OBI1: variants seen among roughly 807,000 people sequenced by gnomAD.
OBI1 encodes ring finger protein 219.
OBI1 carries 59 observed loss-of-function variants against 62.4 expected under a neutral mutation model. The ratio of observed to expected loss-of-function variants is 0.95; its 90% CI spans 0.77 to 1.17. The LOEUF is 1.17. OBI1 is among the 50% of genes most tolerant of loss of function. The pLI is 0.00. For synonymous variants in OBI1, 302 were observed against 292.8 expected, an observed-to-expected ratio of 1.03 and a Z score of -0.32; for missense variants, 875 against 830.9, an observed-to-expected ratio of 1.05 and a Z score of -0.65.
chr13:78,639,560 T>C (rs1004809592), intron 3 of OBI1, among the ~76,000 whole-genome samples: 1 of 149,168 alleles, frequency 6.7e-6, no homozygotes, highest in African/African-American at 2.5e-5. Flanking sequence ...TATTGCGGCA[T>C]TATTCACAAT....
chr13:78,648,494 TGA>T (rs1876454129), intron 1 of OBI1, among the ~76,000 whole-genome samples: 1 of 152,094 alleles, frequency 6.6e-6, no homozygotes, highest in East Asian at 1.9e-4. Flanking sequence ...GCACATTATA[TGA>T]GAGGATTCAA....
chr13:78,644,344 T>C (rs1403140319), intron 2 of OBI1, among the ~76,000 whole-genome samples: 1 of 152,260 alleles, frequency 6.6e-6, no homozygotes, highest in African/African-American at 2.4e-5. Context: ...ATTTACCTTT[T>C]GTCTTATCTC....
chr13:78,658,987 T>C (rs769649320), intron 1 of OBI1, 62 bp downstream of exon 1: 5 of 1,486,828 alleles, frequency 3.4e-6, no homozygotes, highest in Non-Finnish European at 2.8e-6. Flanking sequence ...GAGACGGCCC[T>C]CGGCCCCGGC....
chr13:78,621,417 A>T lies in OBI1; in HGVS notation c.639-4295T>A, dbSNP rs906114176. ...TTTCAAGGTCAGTCAGTGATTAGTC[A>T]CTGTGCATTTACCTGTTTTTCAGTT... On this transcript the variant is annotated intron_variant, in intron 5 of 5. Coordinates refer to ENST00000282003, the MANE Select transcript of OBI1 (RefSeq NM_024546.4). Among the ~76,000 whole-genome samples, 30 of 152,218 alleles carry T rather than the reference A, an allele frequency of 2.0e-4. 1 individual carries two copies. Among genetic ancestry groups the T allele is most frequent in the Admixed American group, 1.9e-3 (29 of 15,282 alleles).
rs766073642 is a variant in OBI1 at position 78,616,875 on chromosome 13, C to T, written c.886G>A (p.Asp296Asn). ...GAGCCAGGCTGCTTTCTGGCACTATCGCCTTGATTCTTTGACACCACATCC... is the reference window on the plus strand; with the variant it reads ...GAGCCAGGCTGCTTTCTGGCACTATTGCCTTGATTCTTTGACACCACATCC... The part of the protein sequence containing the change: ...EEDVVSKNQG[D>N]SARKQPGSST... Residue 296 changes from aspartate (D) to asparagine (N), a missense_variant, in exon 6 of 6, where the codon GAT (aspartate) becomes AAT (asparagine). Coordinates refer to ENST00000282003, the MANE Select transcript of OBI1 (RefSeq NM_024546.4). 6 of 1,614,172 alleles carry T rather than the reference C, an allele frequency of 3.7e-6. No individual in the cohort carries two copies. Among genetic ancestry groups the T allele is most frequent in the South Asian group, 1.1e-5 (1 of 91,082 alleles).
chr13:78,648,231 A>T (rs1876442514), intron 1 of OBI1, among the ~76,000 whole-genome samples: 1 of 151,802 alleles, frequency 6.6e-6, no homozygotes, highest in Non-Finnish European at 1.5e-5. Context: ...GAGCACAAAA[A>T]TCCCAAACCA....
At chr13:78,648,126 AT>A (rs1029735747) in intron 1 of OBI1, among the ~76,000 whole-genome samples, 2 of 151,986 alleles carry the variant, frequency 1.3e-5, no homozygotes, top group Non-Finnish European at 2.9e-5. Context: ...TGCAGGTTCT[AT>A]TTTTTTTCTT....
In OBI1 at chr13:78,615,851, T is replaced by G. The variant is rs150803862; in HGVS notation, c.1910A>C (p.Asn637Thr). The change falls in exon 6 of 6, where the codon AAT (asparagine) becomes ACT (threonine). Residue 637 changes from asparagine to threonine, a missense_variant. Transcript: ENST00000282003. ...SLHSSSCPVT[N>T]EIKPPSCLFQ... ...CAAGCAGCTTGGGGGTTTGATTTCA[T>G]TAGTTACTGGACAAGAACTGGAATG... 1.2e-5 allele frequency: 19 copies of G among 1,614,010 alleles called. No individual in the cohort carries two copies. The African/African-American group carries it at 2.4e-4, about 20-fold the overall frequency.
At chr13:78,632,161 A>C (rs1270493773) in intron 5 of OBI1, among the ~76,000 whole-genome samples, 1 of 152,120 alleles carries the variant, frequency 6.6e-6, no homozygotes, top group Non-Finnish European at 1.5e-5. Context: ...ATTAAGGCTA[A>C]ATGAGGTCAT....
At chr13:78,645,916 C>T (rs1314581057) in intron 1 of OBI1, among the ~76,000 whole-genome samples, 2 of 152,226 alleles carry the variant, frequency 1.3e-5, no homozygotes, top group Non-Finnish European at 2.9e-5. Context: ...TCCCAAAGTG[C>T]TGGGATTACA....
Position 78,616,829 on chromosome 13 carries a change from T to G in OBI1, c.932A>C (p.His311Pro), listed in dbSNP as rs769095803. 2 of 1,614,206 alleles carry G rather than the reference T, an allele frequency of 1.2e-6. No individual in the cohort carries two copies. The highest frequency in any genetic ancestry group is 2.2e-5 in the South Asian group (2 of 91,084). ...QPGSSTSSSS[H>P]LAKPSSSRLC... Reference sequence around the variant, plus strand: ...TCTGCTGCTGGAAGGCTTCGCTAGGTGAGAAGAACTGGAGGTGGATGAGCC... The same window carrying G: ...TCTGCTGCTGGAAGGCTTCGCTAGGGGAGAAGAACTGGAGGTGGATGAGCC... Residue 311 changes from histidine (H) to proline (P), a missense_variant, in exon 6 of 6, where the codon CAC becomes CCC. Physicochemically the swap from His to Pro is moderately conservative, Grantham distance 77. Coordinates refer to ENST00000282003, the MANE Select transcript of OBI1 (RefSeq NM_024546.4).
In OBI1 at chr13:78,615,644, G is replaced by A; in HGVS notation, c.2117C>T (p.Ser706Leu). ...PEKRNKNVNQ[S>L]TKRKIQSSLS... is the part of the protein sequence containing the mutation. ...GCTGCTCTGGATTTTTCTTTTTGTT[G>A]ATTGATTCACATTTTTATTCCTCTT... Residue 706 changes from serine (S) to leucine (L), a missense_variant, in exon 6 of 6, where the codon TCA (serine) becomes TTA (leucine). Transcript: ENST00000282003. 1 of 1,613,088 alleles carries A rather than the reference G, an allele frequency of 6.2e-7. No individual in the cohort carries two copies. The highest frequency in any genetic ancestry group is 8.5e-7 in the Non-Finnish European group (1 of 1,179,712).
At chr13:78,635,498 AT>A (rs951469890) in intron 4 of OBI1, among the ~76,000 whole-genome samples, 2 of 152,194 alleles carry the variant, frequency 1.3e-5, no homozygotes, top group South Asian at 4.2e-4. Context: ...TGTATGTGTG[AT>A]TTTTTTTCTT....
chr13:78,631,213 G>T (rs1292299570), intron 5 of OBI1, among the ~76,000 whole-genome samples: 1 of 152,132 alleles, frequency 6.6e-6, no homozygotes, highest in Non-Finnish European at 1.5e-5. Context: ...ATGGGAGCCA[G>T]AATCCTATAA....
chr13:78,616,036 T>C lies in OBI1; in HGVS notation c.1725A>G (p.Glu575=). Residue 575 remains glutamate (E), a synonymous_variant, in exon 6 of 6, where the codon GAA becomes GAG. Transcript: ENST00000282003. ...CCAACTTATCAGGTTCCTCAAGAAATTCACTGCCTTGAGATGACTTTGATA... is the reference window on the plus strand; with the variant it reads ...CCAACTTATCAGGTTCCTCAAGAAACTCACTGCCTTGAGATGACTTTGATA... ...DGLSKSSQGS[E]FLEEPDKLEE... The C allele has an allele frequency of 6.2e-7, 1 of 1,614,146 alleles. No homozygotes were observed. The highest frequency in any genetic ancestry group is 8.5e-7 in the Non-Finnish European group (1 of 1,180,006).
rs2137457527 is a variant in OBI1, at chr13:78,642,192, G to T, written c.230C>A (p.Pro77His). 6.2e-7 allele frequency: 1 copy of T among 1,606,002 alleles called. No homozygotes were observed. The highest frequency in any genetic ancestry group is 8.5e-7 in the Non-Finnish European group (1 of 1,174,064). Reference sequence around the variant, plus strand: ...CTTCCTGACCGTATGGCTTAGCATAGGTTCACTTTCACTTGTTCCTCCTGT... The same window carrying T: ...CTTCCTGACCGTATGGCTTAGCATATGTTCACTTTCACTTGTTCCTCCTGT... ...EIIGGTSESE[P>H]MLSHTVRKHL... is the part of the protein sequence containing the mutation. The change falls in exon 3 of 6, where the codon CCT becomes CAT. Residue 77 changes from proline to histidine, a missense_variant. Coordinates refer to ENST00000282003, the MANE Select transcript of OBI1 (RefSeq NM_024546.4).
chr13:78,648,744 T>A (rs1876460460), intron 1 of OBI1, among the ~76,000 whole-genome samples: 1 of 152,010 alleles, frequency 6.6e-6, no homozygotes, highest in African/African-American at 2.4e-5. Context: ...AGAAACCCCA[T>A]CTCTACTAAA....
Position 78,616,098 on chromosome 13 carries a change from A to G in OBI1, c.1663T>C (p.Cys555Arg). Residue 555 changes from cysteine to arginine, a missense_variant, in exon 6 of 6, where the codon TGT becomes CGT. Physicochemically the swap from Cys to Arg is radical, Grantham distance 180. Coordinates refer to ENST00000282003, the MANE Select transcript of OBI1 (RefSeq NM_024546.4). ...TCCAGTGACTTAAAACCGTTATTAC[A>G]AGGGCTCTTGCTGTTGTCTGACTCT... ...MSESDNSKSP[C>R]NNGFKSLDLD... 1.9e-6 allele frequency: 3 copies of G among 1,614,176 alleles called. No individual in the cohort carries two copies. The highest frequency in any genetic ancestry group is 2.2e-5 in the South Asian group (2 of 91,082).
intron 1 of OBI1, among the ~76,000 whole-genome samples, chr13:78,645,644 C>T (rs1005655346): frequency 8.3e-6 from 1 of 119,934 alleles, no homozygotes; most frequent in Non-Finnish European, 1.7e-5. Context: ...AATAATAATA[C>T]CTTACATTTA....
Sources: gnomAD v4.1 joint callset for allele counts (sites outside exome capture counted in the v4.1 genomes callset) on GRCh38, gnomAD v4.1.1 for gene constraint, MANE v1.5 for transcripts, NCBI Gene and HGNC (gene_info 2026-07-23, HGNC 2026-07-21) for gene names.